The following DCC variants were observed in gnomAD, a reference collection of about 807,000 sequenced individuals.
The protein encoded by DCC is DCC netrin 1 receptor.
A neutral mutation model predicts 172.5 loss-of-function variants in DCC; 58 were observed. The ratio of observed to expected loss-of-function variants is 0.34; its 90% CI spans 0.27 to 0.42. The LOEUF is 0.42. DCC is among the 10% of genes least tolerant of loss of function. The pLI is 1.00. For missense variants in DCC, 1,740 were observed against 1,791.0 expected (o/e 0.97, Z 0.51); for synonymous variants, 709 against 644.5 (o/e 1.10, Z -1.52).
chr18:53,091,849 ATCAATC>A lies in DCC; in HGVS notation c.1261+25685_1261+25690del, dbSNP rs1306166254. Among the ~76,000 whole-genome samples, 180 of 52,540 alleles carry A rather than the reference ATCAATC, an allele frequency of 3.4e-3. 4 individuals carry two copies. In the East Asian group the frequency reaches 0.21, roughly 63 times the overall value. The allele number at this position is 52,540 out of a possible 152,430, so 34.5% of individuals were successfully genotyped here. On this transcript the variant is annotated intron_variant, in intron 7 of 28. Transcript: ENST00000442544. Reference sequence around the variant, plus strand: ...TATCTATCTATCTATCTATCTATCTATCAATCTATCTATATATATATATATATCTAC... The same window carrying A: ...TATCTATCTATCTATCTATCTATCTATATCTATATATATATATATATCTAC...
intron 1 of DCC, among the ~76,000 whole-genome samples, chr18:52,528,720 G>A (rs1457704952): frequency 6.6e-6 from 1 of 152,028 alleles, no homozygotes; most frequent in Non-Finnish European, 1.5e-5. Flanking sequence ...TGACTTCTAT[G>A]ACAGGGCTCT....
Position 52,645,035 on chromosome 18 carries a change from G to C in DCC, c.92-107019G>C, listed in dbSNP as rs550635361. ...AAGGGGGAAGTGTGTTTTTGTTGCT[G>C]TTGTTTGTTCATTTGTTTTTGTAAG... On this transcript the variant is annotated intron_variant, in intron 1 of 28. Coordinates refer to ENST00000442544, the MANE Select transcript of DCC (RefSeq NM_005215.4). 2.6e-5 allele frequency among the ~76,000 whole-genome samples: 4 copies of C among 152,142 alleles called. No homozygotes were observed. The East Asian group carries it at 7.7e-4, about 29-fold the overall frequency.
In DCC at chr18:52,936,058, T is replaced by A. The variant is rs1022351603; in HGVS notation, c.985+10688T>A. On this transcript the variant is annotated intron_variant, in intron 5 of 28. Coordinates refer to ENST00000442544, the MANE Select transcript of DCC (RefSeq NM_005215.4). Reference sequence around the variant, plus strand: ...ATCATACTGAAATGAGTTAAGAGAGTTTTTGTATGTAGGGTTTTGATCCTA... The same window carrying A: ...ATCATACTGAAATGAGTTAAGAGAGATTTTGTATGTAGGGTTTTGATCCTA... Among the ~76,000 whole-genome samples the A allele has an allele frequency of 2.0e-5, 3 of 151,728 alleles. No homozygotes were observed. The East Asian group carries it at 5.8e-4, about 29-fold the overall frequency.
chr18:52,442,918 C>A (rs1988012552), intron 1 of DCC, among the ~76,000 whole-genome samples: 1 of 152,080 alleles, frequency 6.6e-6, no homozygotes, highest in African/African-American at 2.4e-5. Flanking sequence ...AAAGCTCCAA[C>A]CCCCACATGA....
intron 1 of DCC, among the ~76,000 whole-genome samples, chr18:52,494,427 C>A (rs1479130641): frequency 6.6e-6 from 1 of 151,662 alleles, no homozygotes; most frequent in African/African-American, 2.4e-5. Flanking sequence ...ATTGCTTTTG[C>A]CTCATTTTCT....
Position 52,640,688 on chromosome 18 carries a change from C to A in DCC, c.92-111366C>A, listed in dbSNP as rs564483783. Among the ~76,000 whole-genome samples, 6 of 151,702 alleles carry A rather than the reference C, an allele frequency of 4.0e-5. No individual in the cohort carries two copies. In the East Asian group the frequency reaches 1.2e-3, roughly 29 times the overall value. On this transcript the variant is annotated intron_variant, in intron 1 of 28. Coordinates refer to ENST00000442544, the MANE Select transcript of DCC (RefSeq NM_005215.4). Reference sequence around the variant, plus strand: ...TGAAAGACCTCTACAAGGAAAACTACAAAATACTGCTGAAATAAATCATAG... The same window carrying A: ...TGAAAGACCTCTACAAGGAAAACTAAAAAATACTGCTGAAATAAATCATAG...
In DCC at chr18:53,075,341, G is replaced by A. The variant is rs377678543; in HGVS notation, c.1261+9175G>A. Among the ~76,000 whole-genome samples, 15 of 152,134 alleles carry A rather than the reference G, an allele frequency of 9.9e-5. No individual in the cohort carries two copies. In the East Asian group the frequency reaches 1.7e-3, roughly 18 times the overall value. ...TCACCTTGTCCTTCATTCAGCACGTGCTTCAGGTAGGAAGCCAGCTCAGTG... is the reference window on the plus strand; with the variant it reads ...TCACCTTGTCCTTCATTCAGCACGTACTTCAGGTAGGAAGCCAGCTCAGTG... On this transcript the variant is annotated intron_variant, in intron 7 of 28. Coordinates refer to ENST00000442544, the MANE Select transcript of DCC (RefSeq NM_005215.4).
At chr18:52,938,114 C>G (rs2040407262) in intron 5 of DCC, among the ~76,000 whole-genome samples, 1 of 152,110 alleles carries the variant, frequency 6.6e-6, no homozygotes, top group Non-Finnish European at 1.5e-5. Flanking sequence ...CTCAGAATAG[C>G]AAGTCTCATT....
At chr18:53,160,485 C>T (rs1217690543) in intron 8 of DCC, among the ~76,000 whole-genome samples, 6 of 152,170 alleles carry the variant, frequency 3.9e-5, no homozygotes, top group African/African-American at 1.4e-4. Context: ...GTTTTGCCTG[C>T]TACTCTCATT....
At chr18:53,123,089 A>C (rs552687215) in intron 7 of DCC, among the ~76,000 whole-genome samples, 1 of 152,220 alleles carries the variant, frequency 6.6e-6, no homozygotes, top group South Asian at 2.1e-4. Context: ...CCACCATGGG[A>C]GACAGATGTT....
chr18:52,675,161 C>T (rs568317885), intron 1 of DCC, among the ~76,000 whole-genome samples: 7 of 152,170 alleles, frequency 4.6e-5, no homozygotes, highest in East Asian at 3.9e-4. Context: ...CAGGTTCAAG[C>T]GATTCTCCTG....
chr18:53,187,118 C>CT lies in DCC; in HGVS notation c.1573+8012dup, dbSNP rs1264434968. Among the ~76,000 whole-genome samples, 780 of 129,360 alleles carry CT rather than the reference C, an allele frequency of 6.0e-3. 6 individuals are homozygous for CT. The highest frequency in any genetic ancestry group is 0.021 in the African/African-American group (721 of 34,016). The allele number at this position is 129,360 out of a possible 152,430, so 84.9% of individuals were successfully genotyped here. A position where few individuals can be genotyped will look rare whatever the true frequency, so the allele number is the denominator to read the frequency against. On this transcript the variant is annotated intron_variant, in intron 9 of 28. Transcript: ENST00000442544. ...AAGTGGAATCAAATTTACTTTCTCT[C>CT]TTTTTTTTTTCTTTTTTTTTTTGAG...
At chr18:52,648,196 A>C (rs2035055814) in intron 1 of DCC, among the ~76,000 whole-genome samples, 1 of 152,170 alleles carries the variant, frequency 6.6e-6, no homozygotes, top group Non-Finnish European at 1.5e-5. Context: ...TTAACAGTGC[A>C]CCTCTCTTCT....
chr18:52,940,370 TGTCTC>T (rs2040442385), intron 5 of DCC, among the ~76,000 whole-genome samples: 1 of 152,120 alleles, frequency 6.6e-6, no homozygotes. Flanking sequence ...TAGATCTTCT[TGTCTC>T]GACCACTTTC....
At chr18:52,575,555 A>G (rs1381888040) in intron 1 of DCC, among the ~76,000 whole-genome samples, 3 of 152,256 alleles carry the variant, frequency 2.0e-5, no homozygotes, top group Middle Eastern at 3.4e-3. Flanking sequence ...AAGTCACTAA[A>G]CATGATTTCC....
At position 52,635,266 on chromosome 18, in the gene DCC, C is replaced by G. The variant is rs183133519; in HGVS notation, c.92-116788C>G. 2.6e-5 allele frequency among the ~76,000 whole-genome samples: 4 copies of G among 152,332 alleles called. No homozygotes were observed. The East Asian group carries it at 7.7e-4, about 29-fold the overall frequency. ...TCTCTGCAAATATTGCTTTCCATAG[C>G]TTCACAACAGTCCTTTGATGCAGGG... On this transcript the variant is annotated intron_variant, in intron 1 of 28. Transcript: ENST00000442544.
intron 1 of DCC, among the ~76,000 whole-genome samples, chr18:52,619,228 A>T (rs930069618): frequency 6.6e-6 from 1 of 152,194 alleles, no homozygotes; most frequent in Non-Finnish European, 1.5e-5. Context: ...TTAATCTACT[A>T]AGAGATACTC....
At chr18:52,736,943 CA>C (rs1341898322) in intron 1 of DCC, among the ~76,000 whole-genome samples, 6 of 152,150 alleles carry the variant, frequency 3.9e-5, no homozygotes, top group African/African-American at 1.4e-4. Flanking sequence ...ATAAACTCAG[CA>C]CACTTTCTGA....
intron 1 of DCC, among the ~76,000 whole-genome samples, chr18:52,524,306 T>C (rs1268678980): frequency 6.6e-6 from 1 of 152,216 alleles, no homozygotes; most frequent in African/African-American, 2.4e-5. Flanking sequence ...TAAATAAACC[T>C]TCTTTTGAAA....
Sources: allele counts gnomAD v4.1 joint callset (sites outside exome capture counted in the v4.1 genomes callset), GRCh38; gene constraint gnomAD v4.1.1; transcripts MANE v1.5; gene names NCBI Gene and HGNC (gene_info 2026-07-23, HGNC 2026-07-21).